PSME4: variants seen among roughly 807,000 people sequenced by gnomAD.
PSME4 encodes the protein proteasome activator complex subunit 4.
A neutral mutation model predicts 253.9 loss-of-function variants in PSME4; 89 were observed. The observed-to-expected ratio is 0.35, with a 90% CI of 0.30 to 0.42. PSME4 has a LOEUF of 0.42. PSME4 is among the 10% of genes least tolerant of loss of function. The probability of loss-of-function intolerance (pLI) is 1.00; values close to 1 mark genes in which losing one functional copy is unlikely to be tolerated. For missense variants in PSME4, 2,014 were observed against 2,195.2 expected, an observed-to-expected ratio of 0.92 and a Z score of 1.65; for synonymous variants, 851 against 759.2, an observed-to-expected ratio of 1.12 and a Z score of -1.99.
chr2:53,940,150 C>A (rs1669324503), intron 3 of PSME4, 150 bp from the exon 4 acceptor site: 4 of 564,708 alleles, frequency 7.1e-6, no homozygotes, highest in Non-Finnish European at 1.2e-5. Context: ...ACAAACGGAA[C>A]TGCAAGGATT....
chr2:53,902,588 T>C (rs1359121177), intron 27 of PSME4, among the ~76,000 whole-genome samples: 1 of 152,188 alleles, frequency 6.6e-6, no homozygotes, highest in Non-Finnish European at 1.5e-5. Flanking sequence ...TCTCTAATTT[T>C]GTCCATTTAA....
At chr2:53,958,938 G>A (rs1670356736) in intron 1 of PSME4, among the ~76,000 whole-genome samples, 1 of 151,780 alleles carries the variant, frequency 6.6e-6, no homozygotes, top group Non-Finnish European at 1.5e-5. Context: ...ATTTCTCAAA[G>A]AGAAATATGC....
At chr2:53,885,926 C>T (rs540387809) in intron 40 of PSME4, 151 bp from the exon 41 acceptor site, 7 of 518,514 alleles carry the variant, frequency 1.4e-5, no homozygotes, top group African/African-American at 3.8e-5. Context: ...ATAAATTAGA[C>T]ACTTATTAAG....
chr2:53,923,913 C>CAAAAAAAAAAAAAAAAAAAAA (rs199929436), intron 14 of PSME4, among the ~76,000 whole-genome samples: 2 of 96,878 alleles, frequency 2.1e-5, no homozygotes, highest in East Asian at 2.5e-4. Flanking sequence ...ACAGAGTTAA[C>CAAAAAAAAAAAAAAAAAAAAA]AAAAAAAAAA....
chr2:53,961,679 A>G (rs1430179424), intron 1 of PSME4, among the ~76,000 whole-genome samples: 1 of 152,158 alleles, frequency 6.6e-6, no homozygotes, highest in Admixed American at 6.6e-5. Context: ...CTGTCTAAAA[A>G]TAAGGGGGGG....
intron 44 of PSME4, among the ~76,000 whole-genome samples, chr2:53,868,489 A>G (rs1252523946): frequency 1.3e-4 from 7 of 54,178 alleles, no homozygotes; most frequent in African/African-American, 4.0e-4. Flanking sequence ...TATAATATAT[A>G]TATATATGAT....
intron 27 of PSME4, 24 bp from the exon 28 acceptor site, chr2:53,901,583 T>C: frequency 6.4e-7 from 1 of 1,562,626 alleles, no homozygotes; most frequent in Non-Finnish European, 8.8e-7. Context: ...AATATATATA[T>C]GTTTACATGG....
intron 40 of PSME4, 109 bp from the exon 41 acceptor site, chr2:53,885,884 G>A (rs1010708035): frequency 7.6e-6 from 5 of 655,100 alleles, no homozygotes; most frequent in African/African-American, 5.4e-5. Context: ...ACAGCTCTTC[G>A]GTGCTATGAA....
intron 26 of PSME4, among the ~76,000 whole-genome samples, chr2:53,905,969 T>A (rs961056094): frequency 6.6e-6 from 1 of 152,218 alleles, no homozygotes; most frequent in African/African-American, 2.4e-5. Context: ...CAATAAACAT[T>A]TCCTTTGAGC....
intron 29 of PSME4, among the ~76,000 whole-genome samples, chr2:53,898,597 G>T (rs1172295438): frequency 1.4e-5 from 2 of 146,902 alleles, no homozygotes; most frequent in Non-Finnish European, 3.0e-5. Context: ...ACATGCACAA[G>T]TAACTCTGTA....
At chr2:53,928,402 A>T (rs1009789868) in intron 10 of PSME4, 99 bp from the exon 11 acceptor site, 1 of 991,556 alleles carries the variant, frequency 1.0e-6, no homozygotes, top group African/African-American at 1.6e-5. Context: ...ACTTTGACTT[A>T]AAGGCTTACA....
intron 1 of PSME4, among the ~76,000 whole-genome samples, chr2:53,952,669 T>C (rs1361134388): frequency 6.6e-6 from 1 of 152,210 alleles, no homozygotes; most frequent in African/African-American, 2.4e-5. Flanking sequence ...CCAACCTTTT[T>C]GGTACCAGGG....
intron 43 of PSME4, 164 bp from the exon 44 acceptor site, chr2:53,869,702 C>G (rs1678774306): frequency 1.5e-5 from 7 of 471,236 alleles, no homozygotes; most frequent in Admixed American, 1.1e-4. Flanking sequence ...AGCAGATTCT[C>G]AAAGAGTTTG....
Position 53,928,104 on chromosome 2 carries a change from C to T in PSME4, c.1503+13G>A. On this transcript the variant is annotated intron_variant, in intron 11 of 46. Transcript: ENST00000404125. ...TACCTAAATACGGAGTGTATAATCA[C>T]CAATATACTCACCATGCATTTACTA... The T allele has an allele frequency of 2.5e-6, 4 of 1,608,286 alleles. No individual in the cohort carries two copies. Among genetic ancestry groups the T allele is most frequent in the Non-Finnish European group, 3.4e-6 (4 of 1,175,304 alleles).
intron 20 of PSME4, among the ~76,000 whole-genome samples, chr2:53,917,911 T>C (rs1668130422): frequency 6.6e-6 from 1 of 152,224 alleles, no homozygotes; most frequent in Non-Finnish European, 1.5e-5. Flanking sequence ...AAAAGTTCTT[T>C]AAAAAGAATT....
chr2:53,923,526 C>T (rs1668419658), intron 14 of PSME4, 107 bp from the exon 15 acceptor site: 1 of 1,331,842 alleles, frequency 7.5e-7, no homozygotes, highest in Admixed American at 3.3e-5. Flanking sequence ...AAAAATAAGC[C>T]CATAGGCAAT....
intron 20 of PSME4, among the ~76,000 whole-genome samples, chr2:53,913,219 CATA>C (rs1667908724): frequency 6.6e-6 from 1 of 152,040 alleles, no homozygotes; most frequent in African/African-American, 2.4e-5. Flanking sequence ...GGCCACCTAA[CATA>C]TAGTAAAATG....
At chr2:53,873,644 A>G (rs1678996487) in intron 43 of PSME4, among the ~76,000 whole-genome samples, 1 of 152,182 alleles carries the variant, frequency 6.6e-6, no homozygotes, top group Non-Finnish European at 1.5e-5. Context: ...TTTTCTACCA[A>G]AGAAAAACAA....
intron 4 of PSME4, among the ~76,000 whole-genome samples, chr2:53,939,140 A>G (rs1669263403): frequency 6.6e-6 from 1 of 152,210 alleles, no homozygotes; most frequent in African/African-American, 2.4e-5. Context: ...TGAGAGACAG[A>G]TATCTCATAT....
Sources: allele counts gnomAD v4.1 joint callset (sites outside exome capture counted in the v4.1 genomes callset), GRCh38; gene constraint gnomAD v4.1.1; transcripts MANE v1.5; gene names NCBI Gene and HGNC (gene_info 2026-07-23, HGNC 2026-07-21).